Variants in EPAS1 observed in about 807,000 individuals in gnomAD.
The protein encoded by EPAS1 is endothelial PAS domain protein 1.
A neutral mutation model predicts 87.9 loss-of-function variants in EPAS1; 23 were observed. The observed-to-expected ratio is 0.26, with a 90% confidence interval of 0.19 to 0.37. The LOEUF is 0.37. EPAS1 is among the 10% of genes least tolerant of loss of function. EPAS1 has a pLI of 1.00. For missense variants in EPAS1, 1,138 were observed against 1,120.7 expected (o/e 1.02, Z -0.22); for synonymous variants, 508 against 444.3 (o/e 1.14, Z -1.80).
intron 1 of EPAS1, among the ~76,000 whole-genome samples, chr2:46,333,278 A>G (rs1005120115): frequency 1.1e-4 from 17 of 152,142 alleles, no homozygotes; most frequent in Admixed American, 7.9e-4. Flanking sequence ...GTATGACACT[A>G]TTATTGTTGG....
In EPAS1 at chr2:46,380,561, C is replaced by T. The variant is rs766914476; in HGVS notation, c.1889C>T (p.Ser630Phe). 3 of 1,614,054 alleles carry T rather than the reference C, an allele frequency of 1.9e-6. No homozygotes were observed. Among genetic ancestry groups the T allele is most frequent in the East Asian group, 4.5e-5 (2 of 44,898 alleles). Residue 630 changes from serine (S) to phenylalanine (F), a missense_variant, in exon 12 of 16, where the codon TCC (serine) becomes TTC (phenylalanine). By Grantham distance (155) the Ser-to-Phe change is radical (BLOSUM62 -2). Around this residue, in one of 4 missense-constraint regions of EPAS1, gnomAD observed 502 missense variants for 427.1 expected, o/e 1.18. Coordinates refer to ENST00000263734, the MANE Select transcript of EPAS1 (RefSeq NM_001430.5). The surrounding 1 kb of genome is among the most constrained non-coding windows in gnomAD (Gnocchi z 4.4). Reference protein sequence around the residue: ...CCGQASTPLSSMGGRSNTQWP... With the variant: ...CCGQASTPLSFMGGRSNTQWP... ...GGCCAGGCCAGCACCCCTCTCTCTT[C>T]CATGGGGGGCAGATCCAATACCCAG...
In EPAS1 at chr2:46,353,372, G is replaced by A. The variant is rs151253900; in HGVS notation, c.218-2779G>A. ...TGAACCAGGAACCCAGCAGGGGCCCGTCCAGGGCCAGCTTCATGGGCGTGC... is the reference window on the plus strand; with the variant it reads ...TGAACCAGGAACCCAGCAGGGGCCCATCCAGGGCCAGCTTCATGGGCGTGC... On this transcript the variant is annotated intron_variant, in intron 2 of 15. Coordinates refer to ENST00000263734, the MANE Select transcript of EPAS1 (RefSeq NM_001430.5). Among the ~76,000 whole-genome samples the A allele has an allele frequency of 2.2e-3, 342 of 152,344 alleles. 2 individuals are homozygous for A. Among genetic ancestry groups the A allele is most frequent in the African/African-American group, 7.4e-3 (307 of 41,578 alleles).
intron 15 of EPAS1, among the ~76,000 whole-genome samples, chr2:46,382,832 A>G (rs74976450): frequency 1.3e-5 from 2 of 152,140 alleles, no homozygotes; most frequent in East Asian, 1.9e-4. Context: ...AAAAAACTCA[A>G]ACTCAGGCTA....
intron 3 of EPAS1, 145 bp from the exon 4 acceptor site, chr2:46,356,579 G>T (rs1440549110): frequency 2.6e-5 from 20 of 758,820 alleles, no homozygotes; most frequent in Non-Finnish European, 9.5e-6. Flanking sequence ...CTTTCTGTCT[G>T]TGGACCTGAC....
chr2:46,380,391 A>G lies in EPAS1; in HGVS notation c.1719A>G (p.Pro573=), dbSNP rs772870009. ...GTGCCATGACAAACATCTTCCAGCC[A>G]CTGGCCCCTGTAGCCCCGCACAGTC... ...CFSAMTNIFQ[P]LAPVAPHSPF... Residue 573 remains proline (P), a synonymous_variant, in exon 12 of 16, where the codon CCA becomes CCG. Coordinates refer to ENST00000263734, the MANE Select transcript of EPAS1 (RefSeq NM_001430.5). This position sits in a 1 kb window ranked among gnomAD's most constrained non-coding sequence, Gnocchi z 4.4. 28 of 1,614,020 alleles carry G rather than the reference A, an allele frequency of 1.7e-5. No homozygotes were observed. The highest frequency in any genetic ancestry group is 1.1e-5 in the South Asian group (1 of 91,092).
intron 2 of EPAS1, among the ~76,000 whole-genome samples, chr2:46,351,800 T>C: frequency 6.6e-6 from 1 of 152,176 alleles, no homozygotes; most frequent in East Asian, 1.9e-4. Flanking sequence ...GCCAGCATTC[T>C]GACCAGCAGC....
chr2:46,350,974 C>G (rs114730028), intron 2 of EPAS1, among the ~76,000 whole-genome samples: 210 of 152,298 alleles, frequency 1.4e-3, no homozygotes, highest in African/African-American at 5.0e-3. Context: ...TTGATATGAC[C>G]TTTCCATGCA....
Position 46,380,056 on chromosome 2 carries a change from C to G in EPAS1, c.1555-171C>G. 9.8e-7 allele frequency: 1 copy of G among 1,015,776 alleles called. No individual in the cohort carries two copies. Among genetic ancestry groups the G allele is most frequent in the South Asian group, 1.3e-5 (1 of 76,274 alleles). 62.9% of individuals were successfully genotyped at this position (1,015,776 alleles called of 1,614,324 possible). Reference sequence around the variant, plus strand: ...ACATGATACAAGGTCGTGTACATGACACAGCCAAGTCTGAGGTTTTCCTGA... The same window carrying G: ...ACATGATACAAGGTCGTGTACATGAGACAGCCAAGTCTGAGGTTTTCCTGA... On this transcript the variant is annotated intron_variant, in intron 11 of 15. Coordinates refer to ENST00000263734, the MANE Select transcript of EPAS1 (RefSeq NM_001430.5). This position sits in a 1 kb window ranked among gnomAD's most constrained non-coding sequence, Gnocchi z 4.4.
chr2:46,368,983 A>C (rs898378135), intron 6 of EPAS1, among the ~76,000 whole-genome samples: 6 of 152,130 alleles, frequency 3.9e-5, no homozygotes, highest in Non-Finnish European at 8.8e-5. Flanking sequence ...GTGATTCTTC[A>C]TGGTTCTCCA....
intron 1 of EPAS1, among the ~76,000 whole-genome samples, chr2:46,327,129 T>C (rs974568911): frequency 6.6e-6 from 1 of 152,220 alleles, no homozygotes; most frequent in African/African-American, 2.4e-5. Context: ...AGTTTCCTCA[T>C]CTGTACAATG....
At chr2:46,358,205 A>C (rs1043558155) in intron 4 of EPAS1, among the ~76,000 whole-genome samples, 1 of 152,196 alleles carries the variant, frequency 6.6e-6, no homozygotes, top group African/African-American at 2.4e-5. Flanking sequence ...TTGGGCCTGC[A>C]AAGTACAGAA....
intron 2 of EPAS1, among the ~76,000 whole-genome samples, chr2:46,350,101 A>G (rs1000806041): frequency 6.6e-6 from 1 of 152,240 alleles, no homozygotes; most frequent in Admixed American, 6.5e-5. Context: ...TATTATGAAC[A>G]AATATATTGA....
intron 1 of EPAS1, among the ~76,000 whole-genome samples, chr2:46,312,221 C>T (rs1257791661): frequency 6.6e-6 from 1 of 152,168 alleles, no homozygotes. Context: ...CCCGAGTCAC[C>T]TTCTCTTTTT....
Position 46,380,065 on chromosome 2 carries a change from G to A in EPAS1, c.1555-162G>A, listed in dbSNP as rs953985322. On this transcript the variant is annotated intron_variant, in intron 11 of 15. Coordinates refer to ENST00000263734, the MANE Select transcript of EPAS1 (RefSeq NM_001430.5). This position sits in a 1 kb window ranked among gnomAD's most constrained non-coding sequence, Gnocchi z 4.4. ...AAGGTCGTGTACATGACACAGCCAA[G>A]TCTGAGGTTTTCCTGATAGGCCCTC... 3 of 1,128,958 alleles carry A rather than the reference G, an allele frequency of 2.7e-6. No homozygotes were observed. Among genetic ancestry groups the A allele is most frequent in the East Asian group, 4.7e-5 (2 of 42,760 alleles). The allele number at this position is 1,128,958 out of a possible 1,614,324, so 69.9% of individuals were successfully genotyped here. A position where few individuals can be genotyped will look rare whatever the true frequency, so the allele number is the denominator to read the frequency against.
In EPAS1 at chr2:46,375,717, G is replaced by C. The variant is rs1684729421; in HGVS notation, c.914G>C (p.Gly305Ala). 6.2e-7 allele frequency: 1 copy of C among 1,614,022 alleles called. No individual in the cohort carries two copies. The highest frequency in any genetic ancestry group is 1.1e-5 in the South Asian group (1 of 91,084). The change falls in exon 8 of 16, where the codon GGC (glycine) becomes GCC (alanine). Residue 305 changes from glycine to alanine, a missense_variant. By Grantham distance (60) the Gly-to-Ala change is moderately conservative (BLOSUM62 0). Around this residue, in one of 4 missense-constraint regions of EPAS1, gnomAD observed 351 missense variants for 417.1 expected, o/e 0.84. Coordinates refer to ENST00000263734, the MANE Select transcript of EPAS1 (RefSeq NM_001430.5). This position sits in a 1 kb window ranked among gnomAD's most constrained non-coding sequence, Gnocchi z 4.1. ...TGCACCAAGGGTCAGGTAGTAAGTG[G>C]CCAGTACCGGATGCTCGCAAAGCAT... Reference protein sequence around the residue: ...NLCTKGQVVSGQYRMLAKHGG... With the variant: ...NLCTKGQVVSAQYRMLAKHGG...
chr2:46,361,014 A>G lies in EPAS1; in HGVS notation c.703A>G (p.Met235Val). Residue 235 changes from methionine (M) to valine (V), a missense_variant, in exon 6 of 16, where the codon ATG (methionine) becomes GTG (valine). This residue lies in a region of EPAS1 where 351 missense variants were observed against 417.1 expected (regional missense o/e 0.84). Transcript: ENST00000263734. ...TGAACCAATCCAGCACCCATCCCACATGGACATCCCCCTGGATAGCAAGAC... is the reference window on the plus strand; with the variant it reads ...TGAACCAATCCAGCACCCATCCCACGTGGACATCCCCCTGGATAGCAAGAC... The part of the protein sequence containing the change: ...MCEPIQHPSH[M>V]DIPLDSKTFL... The G allele has an allele frequency of 1.2e-6, 2 of 1,614,108 alleles. No individual in the cohort carries two copies. Among genetic ancestry groups the G allele is most frequent in the East Asian group, 2.2e-5 (1 of 44,872 alleles).
chr2:46,325,323 T>C (rs1223070525), intron 1 of EPAS1, among the ~76,000 whole-genome samples: 1 of 152,222 alleles, frequency 6.6e-6, no homozygotes, highest in Admixed American at 6.5e-5. Flanking sequence ...GTCCTATCCA[T>C]TGCAGATGGG....
chr2:46,328,068 C>A (rs904571067), intron 1 of EPAS1, among the ~76,000 whole-genome samples: 2 of 152,204 alleles, frequency 1.3e-5, no homozygotes, highest in African/African-American at 4.8e-5. Flanking sequence ...GTCTAACTAT[C>A]CTATGGTCCC....
intron 1 of EPAS1, among the ~76,000 whole-genome samples, chr2:46,330,288 C>T (rs997788541): frequency 2.6e-5 from 4 of 152,276 alleles, no homozygotes; most frequent in South Asian, 2.1e-4. Context: ...AATCCAGCTC[C>T]GTTTCTGAGC....
Sources: allele counts gnomAD v4.1 joint callset (sites outside exome capture counted in the v4.1 genomes callset), GRCh38; gene constraint gnomAD v4.1.1; regional missense constraint gnomAD v4.1.1; non-coding constraint Gnocchi (gnomAD v3.1); transcripts MANE v1.5; gene names NCBI Gene and HGNC (gene_info 2026-07-23, HGNC 2026-07-21).